Variants in PMVK observed in about 807,000 individuals in gnomAD.
PMVK encodes phosphomevalonate kinase.
Under a neutral mutation model 19.0 loss-of-function variants are expected in PMVK, and 10 were observed. That is an observed-to-expected ratio of 0.53 (90% CI 0.32 to 0.89). The LOEUF (loss-of-function observed/expected upper bound fraction) is 0.89. Ranked by LOEUF, PMVK falls within the 40% of genes least tolerant of loss-of-function variation. The pLI is 0.03. For missense variants in PMVK, 222 were observed against 251.1 expected, an observed-to-expected ratio of 0.88 and a Z score of 0.78; for synonymous variants, 108 against 101.6, an observed-to-expected ratio of 1.06 and a Z score of -0.38.
intron 2 of PMVK, among the ~76,000 whole-genome samples, chr1:154,930,664 T>G (rs1483863427): frequency 1.3e-5 from 2 of 150,840 alleles, no homozygotes; most frequent in Non-Finnish European, 3.0e-5. Context: ...TGCCTTCCCC[T>G]TCACCCCTTC....
In PMVK at chr1:154,924,992, T is replaced by C; in HGVS notation, c.*137A>G. On this transcript the variant is annotated 3_prime_UTR_variant, in exon 5 of 5. Transcript: ENST00000368467. ...TCCAGAGGTTTCCTGCCTTGCCCAATATCCACCAACCCCCTCAGAATCTAG... is the reference window on the plus strand; with the variant it reads ...TCCAGAGGTTTCCTGCCTTGCCCAACATCCACCAACCCCCTCAGAATCTAG... 1 of 909,770 alleles carries C rather than the reference T, an allele frequency of 1.1e-6. No homozygotes were observed. Among genetic ancestry groups the C allele is most frequent in the Non-Finnish European group, 1.7e-6 (1 of 581,494 alleles). The allele number at this position is 909,770 out of a possible 1,614,324, so 56.4% of individuals were successfully genotyped here.
At chr1:154,936,763 G>C (rs775015089), upstream of PMVK, 2 of 1,291,380 alleles carry the variant, frequency 1.5e-6, no homozygotes, top group Non-Finnish European at 2.2e-6. Flanking sequence ...CGGAATGGAC[G>C]CGGCCACTAA....
Position 154,924,813 on chromosome 1 carries a change from A to G in PMVK, c.*316T>C, listed in dbSNP as rs1203865768. 1.4e-5 allele frequency: 5 copies of G among 350,526 alleles called. No individual in the cohort carries two copies. The highest frequency in any genetic ancestry group is 2.7e-5 in the Non-Finnish European group (5 of 184,940). 21.7% of individuals were successfully genotyped at this position (350,526 alleles called of 1,614,324 possible). ...TTGCCCAGAACAAGGGGCTGAGAAC[A>G]TCCAGTCAGGATGCAAGGCCACCAC... On this transcript the variant is annotated 3_prime_UTR_variant, in exon 5 of 5. Coordinates refer to ENST00000368467, the MANE Select transcript of PMVK (RefSeq NM_006556.4).
chr1:154,935,749 G>A (rs931563975), intron 1 of PMVK, among the ~76,000 whole-genome samples: 1 of 152,142 alleles, frequency 6.6e-6, no homozygotes, highest in Non-Finnish European at 1.5e-5. Context: ...AGGACTGGAG[G>A]ACAGTAGCAT....
intron 1 of PMVK, among the ~76,000 whole-genome samples, chr1:154,936,115 C>T (rs1417210213): frequency 2.0e-5 from 3 of 152,236 alleles, no homozygotes; most frequent in Non-Finnish European, 4.4e-5. Context: ...CAGGGTCTCG[C>T]TCTGTCGCCC....
At chr1:154,934,923 A>T (rs1456204794) in intron 1 of PMVK, among the ~76,000 whole-genome samples, 3 of 151,860 alleles carry the variant, frequency 2.0e-5, no homozygotes, top group Non-Finnish European at 4.4e-5. Flanking sequence ...TTAGCTGGGC[A>T]TGGTGGCACA....
Position 154,925,227 on chromosome 1 carries a change from A to C in PMVK, c.481T>G (p.Phe161Val), listed in dbSNP as rs973609876. ...DAESECGLDNFGDFDWVIENH... is the reference protein window; with the variant it reads ...DAESECGLDNVGDFDWVIENH... The stretch of plus-strand genomic sequence containing the variant: ...TCGATGACCCAGTCAAAGTCCCCGA[A>C]GTTGTCCAGGCCACATTCTGACTCA... The change falls in exon 5 of 5, where the codon TTC becomes GTC. Residue 161 changes from phenylalanine to valine, a missense_variant. Transcript: ENST00000368467. 6.2e-7 allele frequency: 1 copy of C among 1,614,114 alleles called. No individual in the cohort carries two copies. The highest frequency in any genetic ancestry group is 1.7e-5 in the Admixed American group (1 of 60,016).
intron 2 of PMVK, among the ~76,000 whole-genome samples, chr1:154,930,602 G>C (rs1400705202): frequency 1.5e-5 from 2 of 133,562 alleles, no homozygotes; most frequent in Non-Finnish European, 3.0e-5. Context: ...AGTTTTGAAA[G>C]TGCTCCTGGG....
chr1:154,939,425 C>A (rs1654594626), upstream of PMVK, among the ~76,000 whole-genome samples: 1 of 152,068 alleles, frequency 6.6e-6, no homozygotes, highest in South Asian at 2.1e-4. Context: ...GTGGCTCATG[C>A]CTGTAATCCC....
rs939193032 is a variant in PMVK, at chr1:154,926,284, C to A, written c.442+70G>T. 16 of 1,481,430 alleles carry A rather than the reference C, an allele frequency of 1.1e-5. No individual in the cohort carries two copies. The African/African-American group carries it at 1.9e-4, about 18-fold the overall frequency. 91.8% of individuals were successfully genotyped at this position (1,481,430 alleles called of 1,614,324 possible). On this transcript the variant is annotated intron_variant, in intron 4 of 4. Coordinates refer to ENST00000368467, the MANE Select transcript of PMVK (RefSeq NM_006556.4). Reference sequence around the variant, plus strand: ...TCATCCCTTATTCACTTCCCCCAGGCCTGCCCGGTAGACAAACCACAGGGT... The same window carrying A: ...TCATCCCTTATTCACTTCCCCCAGGACTGCCCGGTAGACAAACCACAGGGT...
At position 154,926,490 on chromosome 1, in the gene PMVK, G is replaced by T; in HGVS notation, c.313-7C>A. On this transcript the variant is annotated splice_region_variant and splice_polypyrimidine_tract_variant and intron_variant, in intron 3 of 4. Transcript: ENST00000368467. ...TCCGTGTGTCACTCACCAGCTGCAG[G>T]AGAGGGACAGACAGGTGACCAACAG... The T allele has an allele frequency of 6.2e-7, 1 of 1,613,090 alleles. No homozygotes were observed. The highest frequency in any genetic ancestry group is 8.5e-7 in the Non-Finnish European group (1 of 1,179,504).
rs77636410 is a variant in PMVK, at chr1:154,932,387, G to A, written c.124C>T (p.Arg42Trp). 3,712 of 1,613,094 alleles carry A rather than the reference G, an allele frequency of 2.3e-3. 72 individuals carry two copies. The African/African-American group carries it at 0.043, about 18-fold the overall frequency. Residue 42 changes from arginine to tryptophan, a missense_variant, in exon 2 of 5, where the codon CGG (arginine) becomes TGG (tryptophan). Transcript: ENST00000368467. ...RLGADVCAVL[R>W]LSGPLKEQYA... ...TGTTCCTTGAGTGGACCAGAGAGCC[G>A]GAGGACAGCACAGACATCAGCTCCA... is the stretch of plus-strand genomic sequence containing the variant.
chr1:154,927,549 T>C (rs1654206024), intron 3 of PMVK, among the ~76,000 whole-genome samples: 1 of 149,998 alleles, frequency 6.7e-6, no homozygotes, highest in Non-Finnish European at 1.5e-5. Flanking sequence ...GCCAGGCTTC[T>C]CAATCTGAAA....
At chr1:154,928,707 G>A (rs1431171134) in intron 3 of PMVK, among the ~76,000 whole-genome samples, 1 of 151,990 alleles carries the variant, frequency 6.6e-6, no homozygotes, top group Non-Finnish European at 1.5e-5. Flanking sequence ...AGGAGGCAGA[G>A]GTTGCAGTGA....
intron 2 of PMVK, 90 bp downstream of exon 2, chr1:154,932,262 A>G: frequency 1.1e-6 from 1 of 922,020 alleles, no homozygotes. Context: ...GGTGACGGGA[A>G]TCATGCCAGT....
intron 2 of PMVK, among the ~76,000 whole-genome samples, chr1:154,932,130 G>GCA (rs1654354536): frequency 6.6e-6 from 1 of 152,178 alleles, no homozygotes; most frequent in South Asian, 2.1e-4. Flanking sequence ...CCTTTCCTGG[G>GCA]CACACCTTCC....
chr1:154,925,080 G>GCCCCCCCCCCCC lies in PMVK; in HGVS notation c.*48_*49insGGGGGGGGGGGG, dbSNP rs112859764. 3.4e-6 allele frequency: 5 copies of GCCCCCCCCCCCC among 1,459,210 alleles called. No individual in the cohort carries two copies. Among genetic ancestry groups the GCCCCCCCCCCCC allele is most frequent in the East Asian group, 2.8e-5 (1 of 36,070 alleles). 90.4% of individuals were successfully genotyped at this position (1,459,210 alleles called of 1,614,324 possible). A position where few individuals can be genotyped will look rare whatever the true frequency, so the allele number is the denominator to read the frequency against. On this transcript the variant is annotated 3_prime_UTR_variant, in exon 5 of 5. Coordinates refer to ENST00000368467, the MANE Select transcript of PMVK (RefSeq NM_006556.4). ...GGGACACCCCCATTTTGCAGAGTCA[G>GCCCCCCCCCCCC]CCCCACCCCCACCTCAGCAGGCCCC... is the stretch of plus-strand genomic sequence containing the variant.
At position 154,930,321 on chromosome 1, in the gene PMVK, G is replaced by A. The variant is rs150139428; in HGVS notation, c.160-1145C>T. 4.6e-3 allele frequency among the ~76,000 whole-genome samples: 693 copies of A among 152,294 alleles called. 7 individuals are homozygous for A. Among genetic ancestry groups the A allele is most frequent in the African/African-American group, 0.016 (654 of 41,574 alleles). ...AAAAATACAAAACAATTACCCGGGC[G>A]TGGTCACCCATGGCTGCAATCCCAG... On this transcript the variant is annotated intron_variant, in intron 2 of 4. Coordinates refer to ENST00000368467, the MANE Select transcript of PMVK (RefSeq NM_006556.4).
rs756866167 is a variant in PMVK, at chr1:154,925,101, G to A, written c.*28C>T. On this transcript the variant is annotated 3_prime_UTR_variant, in exon 5 of 5. Coordinates refer to ENST00000368467, the MANE Select transcript of PMVK (RefSeq NM_006556.4). ...GTCAGCCCCACCCCCACCTCAGCAG[G>A]CCCCAGCTCACTCCTAGAACCTAGT... 4.5e-6 allele frequency: 7 copies of A among 1,550,486 alleles called. No homozygotes were observed. The Admixed American group carries it at 1.1e-4, about 23-fold the overall frequency.
Sources: gnomAD v4.1 joint callset for allele counts (sites outside exome capture counted in the v4.1 genomes callset) on GRCh38, gnomAD v4.1.1 for gene constraint, MANE v1.5 for transcripts, NCBI Gene and HGNC (gene_info 2026-07-23, HGNC 2026-07-21) for gene names.